AXDND1: variants seen among roughly 807,000 people sequenced by gnomAD.
AXDND1 encodes the protein axonemal dynein light chain domain containing 1.
Under a neutral mutation model 137.5 loss-of-function variants are expected in AXDND1, and 110 were observed. That is an observed-to-expected ratio of 0.80 (90% CI 0.69 to 0.94). AXDND1 has a LOEUF of 0.94. AXDND1 is among the 40% of genes least tolerant of loss of function. AXDND1 has a pLI of 0.00. For synonymous variants in AXDND1, 414 were observed against 399.7 expected (o/e 1.04, Z -0.43); for missense variants, 1,191 against 1,169.8 (o/e 1.02, Z -0.26).
chr1:179,479,345 C>T (rs529766281), intron 17 of AXDND1, among the ~76,000 whole-genome samples: 4 of 150,446 alleles, frequency 2.7e-5, no homozygotes, highest in South Asian at 2.1e-4. Context: ...CATGGTGGCA[C>T]ATGCCTGTAA....
chr1:179,382,262 G>T (rs759484969), intron 6 of AXDND1, among the ~76,000 whole-genome samples: 21 of 151,594 alleles, frequency 1.4e-4, no homozygotes, highest in Non-Finnish European at 1.0e-4. Flanking sequence ...TGTATTTTTA[G>T]TAGAGACGGG....
chr1:179,551,336 A>G, intron 25 of AXDND1: 2 of 1,614,190 alleles, frequency 1.2e-6, no homozygotes, highest in African/African-American at 2.7e-5. Flanking sequence ...CTCTGTGGAC[A>G]GAGACTGAAG....
At chr1:179,543,063 G>T (rs531147558) in intron 25 of AXDND1, 2 of 152,268 alleles carry the variant, frequency 1.3e-5, no homozygotes, top group East Asian at 3.9e-4. Context: ...GAGCAATCTG[G>T]CACTGCTATA....
intron 11 of AXDND1, among the ~76,000 whole-genome samples, chr1:179,404,481 C>T (rs1192985255): frequency 7.5e-6 from 1 of 132,634 alleles, no homozygotes; most frequent in Non-Finnish European, 1.7e-5. Flanking sequence ...CTCGCCCTCC[C>T]AAAGTGCTGG....
chr1:179,528,923 C>G (rs957807637), intron 23 of AXDND1, among the ~76,000 whole-genome samples: 1 of 152,132 alleles, frequency 6.6e-6, no homozygotes. Context: ...TATTTCATCT[C>G]TTTCCTTAGT....
At chr1:179,410,781 G>A (rs1319968262) in intron 11 of AXDND1, among the ~76,000 whole-genome samples, 1 of 152,000 alleles carries the variant, frequency 6.6e-6, no homozygotes, top group African/African-American at 2.4e-5. Flanking sequence ...AAACTGTTAG[G>A]TTATTGTTAC....
At chr1:179,552,481 A>G (rs1036984716) in intron 25 of AXDND1, 2 of 764,346 alleles carry the variant, frequency 2.6e-6, no homozygotes, top group African/African-American at 3.4e-5. Context: ...ATAGAGTTGT[A>G]AGGGCCCAAG....
intron 16 of AXDND1, among the ~76,000 whole-genome samples, chr1:179,465,907 C>T (rs190371854): frequency 4.6e-4 from 70 of 152,294 alleles, no homozygotes; most frequent in Admixed American, 1.0e-3. Flanking sequence ...CTGTGGGTGT[C>T]GGACCCTCTG....
chr1:179,465,817 A>G (rs1663071915), intron 16 of AXDND1, among the ~76,000 whole-genome samples: 1 of 152,106 alleles, frequency 6.6e-6, no homozygotes. Context: ...AAGCCTTAGC[A>G]ATGGCGGACG....
Position 179,394,042 on chromosome 1 carries a change from A to G in AXDND1, c.1003A>G (p.Arg335Gly). The G allele has an allele frequency of 6.3e-7, 1 of 1,595,768 alleles. No individual in the cohort carries two copies. Among genetic ancestry groups the G allele is most frequent in the Non-Finnish European group, 8.5e-7 (1 of 1,173,512 alleles). Residue 335 changes from arginine to glycine, a missense_variant and splice_region_variant, in exon 10 of 26, where the codon AGG becomes GGG. Coordinates refer to ENST00000367618, the MANE Select transcript of AXDND1 (RefSeq NM_144696.6). ...NFKHVIEELTRELCLVRAHDV... is the reference protein window; with the variant it reads ...NFKHVIEELTGELCLVRAHDV... ...CAAGCATGTTATTGAAGAACTGACC[A>G]GGTAAAAACTGTGATTATCTTAAAC...
At chr1:179,398,803 G>A (rs1354169080) in intron 11 of AXDND1, among the ~76,000 whole-genome samples, 1 of 151,872 alleles carries the variant, frequency 6.6e-6, no homozygotes, top group Admixed American at 6.6e-5. Context: ...GCTTGTGGGG[G>A]TGGGACTGGC....
intron 16 of AXDND1, chr1:179,457,354 C>T (rs1412021972): frequency 2.0e-6 from 1 of 507,428 alleles, no homozygotes; most frequent in Admixed American, 2.8e-5. Flanking sequence ...AGAAGAGAGA[C>T]TTTAATGATG....
At chr1:179,459,459 A>T (rs1282688481) in intron 16 of AXDND1, among the ~76,000 whole-genome samples, 1 of 152,128 alleles carries the variant, frequency 6.6e-6, no homozygotes, top group Admixed American at 6.5e-5. Context: ...TGATTTTGTG[A>T]TTACTTGTTT....
chr1:179,493,040 C>A, intron 20 of AXDND1, 89 bp downstream of exon 20: 1 of 851,206 alleles, frequency 1.2e-6, no homozygotes, highest in Non-Finnish European at 1.8e-6. Flanking sequence ...AACAAGCTCA[C>A]ATATTTAAAG....
chr1:179,515,802 A>T (rs925924380), intron 21 of AXDND1, among the ~76,000 whole-genome samples: 6 of 152,218 alleles, frequency 3.9e-5, no homozygotes, highest in African/African-American at 1.2e-4. Context: ...GCAAAAGTTA[A>T]GAAATTGCAA....
At chr1:179,493,773 C>A (rs546354302) in intron 20 of AXDND1, among the ~76,000 whole-genome samples, 1 of 152,262 alleles carries the variant, frequency 6.6e-6, no homozygotes, top group East Asian at 1.9e-4. Context: ...ACCCCTGTTA[C>A]CCTGCTTTGA....
intron 21 of AXDND1, among the ~76,000 whole-genome samples, chr1:179,511,152 G>A (rs2125644801): frequency 6.6e-6 from 1 of 151,588 alleles, no homozygotes; most frequent in South Asian, 2.1e-4. Flanking sequence ...GGGCGACAGA[G>A]TGAGACTCTG....
intron 12 of AXDND1, among the ~76,000 whole-genome samples, chr1:179,421,089 CTTCCTTTCTTCCTTCT>C (rs1465492185): frequency 1.7e-5 from 2 of 118,748 alleles, no homozygotes; most frequent in African/African-American, 6.4e-5. Context: ...TCCTTCCTTC[CTTCCTTTCTTCCTTCT>C]TTGTCAAAGA....
chr1:179,423,532 T>C (rs866622399), intron 12 of AXDND1, among the ~76,000 whole-genome samples: 42 of 151,904 alleles, frequency 2.8e-4, no homozygotes, highest in African/African-American at 8.3e-4. Flanking sequence ...TTTTCCTTTG[T>C]GATTAAGTGG....
Sources: allele counts gnomAD v4.1 joint callset (sites outside exome capture counted in the v4.1 genomes callset), GRCh38; gene constraint gnomAD v4.1.1; transcripts MANE v1.5; gene names NCBI Gene and HGNC (gene_info 2026-07-23, HGNC 2026-07-21).